UNC5D: variants seen among roughly 807,000 people sequenced by gnomAD.
UNC5D encodes netrin receptor UNC5D.
UNC5D carries 39 observed loss-of-function variants against 105.4 expected under a neutral mutation model. That is an observed-to-expected ratio of 0.37 (90% confidence interval 0.29 to 0.48). UNC5D has a LOEUF of 0.48. Ranked by LOEUF, UNC5D falls within the 20% of genes least tolerant of loss-of-function variation. The probability of loss-of-function intolerance (pLI) is 0.98; values close to 1 mark genes in which losing one functional copy is unlikely to be tolerated. For synonymous variants in UNC5D, 452 were observed against 450.4 expected, an observed-to-expected ratio of 1.00 and a Z score of -0.04; for missense variants, 991 against 1,202.4, an observed-to-expected ratio of 0.82 and a Z score of 2.60.
At chr8:35,369,474 G>A (rs1802309558) in intron 1 of UNC5D, among the ~76,000 whole-genome samples, 1 of 152,166 alleles carries the variant, frequency 6.6e-6, no homozygotes, top group Non-Finnish European at 1.5e-5. Context: ...TTGGACAAGA[G>A]TTCTTATTTC....
At chr8:35,247,054 C>A (rs1445268446) in intron 1 of UNC5D, among the ~76,000 whole-genome samples, 2 of 151,964 alleles carry the variant, frequency 1.3e-5, no homozygotes, top group African/African-American at 2.4e-5. Flanking sequence ...TCATTTCCGT[C>A]CGTCCCTGCC....
chr8:35,281,010 G>A (rs955939106), intron 1 of UNC5D, among the ~76,000 whole-genome samples: 3 of 151,968 alleles, frequency 2.0e-5, no homozygotes, highest in African/African-American at 7.3e-5. Context: ...CCTTTTCCCC[G>A]TTACTCTGGG....
chr8:35,287,072 C>T (rs1806652780), intron 1 of UNC5D, among the ~76,000 whole-genome samples: 1 of 152,148 alleles, frequency 6.6e-6, no homozygotes, highest in Non-Finnish European at 1.5e-5. Flanking sequence ...GAACCTGACA[C>T]CAAGCAAAGG....
chr8:35,782,033 G>T (rs529176486), intron 16 of UNC5D, among the ~76,000 whole-genome samples: 88 of 152,318 alleles, frequency 5.8e-4, no homozygotes, highest in South Asian at 4.4e-3. Flanking sequence ...TCCCTTTCGG[G>T]TTTTCCATGC....
At chr8:35,354,070 C>T (rs1410791957) in intron 1 of UNC5D, among the ~76,000 whole-genome samples, 4 of 151,954 alleles carry the variant, frequency 2.6e-5, no homozygotes, top group African/African-American at 9.7e-5. Flanking sequence ...AATGTGACTG[C>T]CTACAGCAAC....
intron 1 of UNC5D, among the ~76,000 whole-genome samples, chr8:35,542,864 A>G (rs1245414775): frequency 2.0e-5 from 3 of 152,220 alleles, no homozygotes; most frequent in Non-Finnish European, 4.4e-5. Flanking sequence ...AGGGATGATA[A>G]TTGTAATTCT....
chr8:35,730,133 CT>C (rs1263922245), intron 10 of UNC5D, among the ~76,000 whole-genome samples: 4 of 152,178 alleles, frequency 2.6e-5, no homozygotes, highest in Non-Finnish European at 4.4e-5. Context: ...TTGTAAGGAT[CT>C]TACTGTTTCT....
intron 1 of UNC5D, among the ~76,000 whole-genome samples, chr8:35,430,314 AGGC>A (rs1806539111): frequency 2.0e-5 from 1 of 50,698 alleles, no homozygotes; most frequent in African/African-American, 7.1e-5. Flanking sequence ...ATGTTTCTGG[AGGC>A]TGGCACACCC....
At chr8:35,271,050 C>T (rs1805246467) in intron 1 of UNC5D, among the ~76,000 whole-genome samples, 1 of 151,500 alleles carries the variant, frequency 6.6e-6, no homozygotes, top group African/African-American at 2.4e-5. Flanking sequence ...TCACAGTAAT[C>T]ATAACTGATA....
intron 16 of UNC5D, among the ~76,000 whole-genome samples, chr8:35,788,965 C>A (rs1426147809): frequency 1.3e-5 from 2 of 150,740 alleles, no homozygotes; most frequent in South Asian, 2.1e-4. Flanking sequence ...TATCAATGAG[C>A]ATAATTAAAC....
At chr8:35,519,695 G>T (rs1271376199) in intron 1 of UNC5D, among the ~76,000 whole-genome samples, 4 of 151,932 alleles carry the variant, frequency 2.6e-5, no homozygotes, top group Non-Finnish European at 5.9e-5. Flanking sequence ...CATAATAGTA[G>T]AATACTATAA....
At chr8:35,628,467 A>G (rs545353479) in intron 4 of UNC5D, among the ~76,000 whole-genome samples, 51 of 152,290 alleles carry the variant, frequency 3.3e-4, no homozygotes, top group African/African-American at 1.1e-3. Flanking sequence ...GATGTCATCA[A>G]CTAAAAACAC....
intron 1 of UNC5D, among the ~76,000 whole-genome samples, chr8:35,427,047 ATCT>A (rs747893344): frequency 1.1e-4 from 17 of 152,198 alleles, no homozygotes; most frequent in Non-Finnish European, 1.3e-4. Context: ...GGTAAAATAC[ATCT>A]TCTTTGATTT....
At chr8:35,567,150 TC>T in intron 2 of UNC5D, among the ~76,000 whole-genome samples, 1 of 152,072 alleles carries the variant, frequency 6.6e-6, no homozygotes, top group African/African-American at 2.4e-5. Flanking sequence ...CCTTAGCCAC[TC>T]TTTCTATAAA....
chr8:35,506,204 T>C (rs1021409827), intron 1 of UNC5D, among the ~76,000 whole-genome samples: 1 of 152,200 alleles, frequency 6.6e-6, no homozygotes, highest in Non-Finnish European at 1.5e-5. Context: ...ACATACAAGC[T>C]GGCTTCACTC....
chr8:35,610,257 A>T (rs1820584309), intron 4 of UNC5D, among the ~76,000 whole-genome samples: 1 of 151,966 alleles, frequency 6.6e-6, no homozygotes, highest in Non-Finnish European at 1.5e-5. Context: ...TCCTTTCTCT[A>T]ATCGTTTTTG....
intron 3 of UNC5D, among the ~76,000 whole-genome samples, chr8:35,580,060 T>C (rs1705266518): frequency 6.6e-6 from 1 of 152,112 alleles, no homozygotes; most frequent in Non-Finnish European, 1.5e-5. Flanking sequence ...AGAGAGGAGT[T>C]TGGGGACTCC....
At chr8:35,708,975 G>T (rs1827773114) in intron 8 of UNC5D, among the ~76,000 whole-genome samples, 1 of 151,946 alleles carries the variant, frequency 6.6e-6, no homozygotes, top group African/African-American at 2.4e-5. Context: ...AGTGTGTAGG[G>T]CAGAAACTTG....
intron 1 of UNC5D, among the ~76,000 whole-genome samples, chr8:35,322,942 G>A (rs1809861493): frequency 6.6e-6 from 1 of 152,062 alleles, no homozygotes; most frequent in African/African-American, 2.4e-5. Flanking sequence ...CCATTTGCAC[G>A]CTATATTTCT....
Sources: allele counts gnomAD v4.1 joint callset (sites outside exome capture counted in the v4.1 genomes callset), GRCh38; gene constraint gnomAD v4.1.1; transcripts MANE v1.5; gene names NCBI Gene and HGNC (gene_info 2026-07-23, HGNC 2026-07-21).